CDC40: variants seen among roughly 807,000 people sequenced by gnomAD.
CDC40 encodes the protein pre-mRNA-processing factor 17.
In CDC40, 27 loss-of-function variants were observed where a neutral mutation model predicts 80.6. The ratio of observed to expected loss-of-function variants is 0.33; its 90% CI spans 0.25 to 0.46. The LOEUF (loss-of-function observed/expected upper bound fraction) is 0.46. CDC40 is among the 20% of genes least tolerant of loss of function. CDC40 has a pLI of 1.00. For missense variants in CDC40, 486 were observed against 694.1 expected, an observed-to-expected ratio of 0.70 and a Z score of 3.37; for synonymous variants, 221 against 232.6, an observed-to-expected ratio of 0.95 and a Z score of 0.45.
chr6:110,215,182 A>G (rs929191610), intron 8 of CDC40, 104 bp from the exon 9 acceptor site: 2 of 830,736 alleles, frequency 2.4e-6, no homozygotes, highest in South Asian at 2.9e-5. Flanking sequence ...GTGCGTTTAC[A>G]CACACAGATG....
intron 2 of CDC40, 42 bp downstream of exon 2, chr6:110,193,310 T>G (rs763702009): frequency 2.2e-5 from 25 of 1,157,236 alleles, no homozygotes; most frequent in Non-Finnish European, 3.3e-5. Context: ...GCTAAAGAAT[T>G]TAAATCATAG....
rs147581557 is a variant in CDC40 at position 110,225,741 on chromosome 6, T to A, written c.1341-426T>A. ...GCTTCACCCTACCATGGTACATTTT[T>A]AATTTAATTTTTGGTTTTATTTCAA... On this transcript the variant is annotated intron_variant, in intron 12 of 14. Coordinates refer to ENST00000307731, the MANE Select transcript of CDC40 (RefSeq NM_015891.3). 9.1e-3 allele frequency among the ~76,000 whole-genome samples: 1,389 copies of A among 152,308 alleles called. 21 individuals are homozygous for A. Among genetic ancestry groups the A allele is most frequent in the African/African-American group, 0.032 (1,338 of 41,556 alleles).
chr6:110,229,055 C>T lies in CDC40; in HGVS notation c.1562+79C>T, dbSNP rs767374512. 7 of 1,083,310 alleles carry T rather than the reference C, an allele frequency of 6.5e-6. No homozygotes were observed. In the Admixed American group the frequency reaches 7.8e-5, roughly 12 times the overall value. 67.1% of individuals were successfully genotyped at this position (1,083,310 alleles called of 1,614,324 possible). On this transcript the variant is annotated intron_variant, in intron 14 of 14. Transcript: ENST00000307731. ...GTTGTTGTACAAATAACACTTGACA[C>T]ATCACTCTCACATAATATGTTTTTA...
intron 12 of CDC40, among the ~76,000 whole-genome samples, chr6:110,220,228 G>A (rs1441257007): frequency 2.0e-5 from 3 of 152,030 alleles, no homozygotes; most frequent in Non-Finnish European, 2.9e-5. Flanking sequence ...CATGGCCCTA[G>A]AACCACCCAA....
At chr6:110,229,892 T>G in intron 14 of CDC40, 62 bp from the exon 15 acceptor site, 5 of 1,102,632 alleles carry the variant, frequency 4.5e-6, no homozygotes, top group Non-Finnish European at 5.4e-6. Flanking sequence ...TCCCTATTCC[T>G]CATTCGCCTT....
At position 110,210,750 on chromosome 6, in the gene CDC40, A is replaced by C; in HGVS notation, c.674A>C (p.Lys225Thr). The change falls in exon 6 of 15, where the codon AAA becomes ACA. Residue 225 changes from lysine (K) to threonine (T), a missense_variant. Transcript: ENST00000307731. Reference sequence around the variant, plus strand: ...GATGAAATCACAGCAAAGAGGCAGAAAAAAGGAAAACAGGAAGAAGAGAAA... The same window carrying C: ...GATGAAATCACAGCAAAGAGGCAGACAAAAGGAAAACAGGAAGAAGAGAAA... ...ELDEITAKRQ[K>T]KGKQEEEKPG... 6.3e-7 allele frequency: 1 copy of C among 1,583,718 alleles called. No homozygotes were observed. The highest frequency in any genetic ancestry group is 1.2e-5 in the South Asian group (1 of 85,696).
At chr6:110,189,512 C>T (rs1477892576) in intron 1 of CDC40, among the ~76,000 whole-genome samples, 1 of 152,174 alleles carries the variant, frequency 6.6e-6, no homozygotes, top group Admixed American at 6.5e-5. Context: ...TTATGATTCC[C>T]AACACCTCCA....
chr6:110,193,526 T>TC (rs1777379328), intron 2 of CDC40, among the ~76,000 whole-genome samples: 1 of 152,028 alleles, frequency 6.6e-6, no homozygotes, highest in African/African-American at 2.4e-5. Context: ...TGCCTCAGCC[T>TC]CCCGAGTAGC....
Position 110,201,604 on chromosome 6 carries a change from G to A in CDC40, c.323G>A (p.Arg108Lys). Residue 108 changes from arginine (R) to lysine (K), a missense_variant, in exon 3 of 15, where the codon AGA (arginine) becomes AAA (lysine). Arg to Lys is a conservative substitution (Grantham distance 26, BLOSUM62 2). Around this residue, in one of 3 missense-constraint regions of CDC40, gnomAD observed 381 missense variants for 492.1 expected, o/e 0.77. Coordinates refer to ENST00000307731, the MANE Select transcript of CDC40 (RefSeq NM_015891.3). The part of the protein sequence containing the change: ...PFRTQQMAAP[R>K]NMLSGYAEPA... ...AGGACACAGCAAATGGCTGCCCCTA[G>A]AAATATGCTTTCTGGATATGCCGAA... The A allele has an allele frequency of 6.2e-7, 1 of 1,612,896 alleles. No individual in the cohort carries two copies. The highest frequency in any genetic ancestry group is 8.5e-7 in the Non-Finnish European group (1 of 1,179,096).
Position 110,191,407 on chromosome 6 carries a change from G to T in CDC40, c.190-1775G>T, listed in dbSNP as rs182962570. On this transcript the variant is annotated intron_variant, in intron 1 of 14. Coordinates refer to ENST00000307731, the MANE Select transcript of CDC40 (RefSeq NM_015891.3). ...AACAAGAGGCCAGCAGATTAAAGATGGTGATATGATAGGGATAGTTCAAGG... is the reference window on the plus strand; with the variant it reads ...AACAAGAGGCCAGCAGATTAAAGATTGTGATATGATAGGGATAGTTCAAGG... Among the ~76,000 whole-genome samples the T allele has an allele frequency of 2.0e-5, 3 of 152,258 alleles. No individual in the cohort carries two copies. The East Asian group carries it at 5.8e-4, about 29-fold the overall frequency.
rs1777897165 is a variant in CDC40 at position 110,228,743 on chromosome 6, A to G, written c.1418-89A>G. On this transcript the variant is annotated intron_variant, in intron 13 of 14. Coordinates refer to ENST00000307731, the MANE Select transcript of CDC40 (RefSeq NM_015891.3). ...TATAAAGTATTTGGGAGCAAAACTTATATTAATCACAGTGAACATATTTAA... is the reference window on the plus strand; with the variant it reads ...TATAAAGTATTTGGGAGCAAAACTTGTATTAATCACAGTGAACATATTTAA... The G allele has an allele frequency of 5.0e-6, 5 of 992,966 alleles. No homozygotes were observed. The South Asian group carries it at 5.7e-5, about 11-fold the overall frequency. 61.5% of individuals were successfully genotyped at this position (992,966 alleles called of 1,614,324 possible).
chr6:110,206,080 A>G (rs948087050), intron 3 of CDC40, among the ~76,000 whole-genome samples: 2 of 152,150 alleles, frequency 1.3e-5, no homozygotes. Flanking sequence ...CTTGTTTGAA[A>G]AGCATGCTTC....
chr6:110,218,767 A>G (rs1777731090), intron 10 of CDC40, among the ~76,000 whole-genome samples: 1 of 152,170 alleles, frequency 6.6e-6, no homozygotes, highest in African/African-American at 2.4e-5. Flanking sequence ...TCTTTTAAAA[A>G]TCAAGATAAA....
intron 6 of CDC40, chr6:110,211,355 G>A (rs1777634823): frequency 1.3e-5 from 2 of 152,028 alleles, no homozygotes; most frequent in Non-Finnish European, 1.5e-5. Flanking sequence ...TTATATTTAG[G>A]AAAATACATA....
chr6:110,202,204 G>A (rs559368955), intron 3 of CDC40, among the ~76,000 whole-genome samples: 116 of 152,222 alleles, frequency 7.6e-4, no homozygotes, highest in African/African-American at 2.6e-3. Context: ...TTTAATGTGC[G>A]TGGAAACTGC....
intron 14 of CDC40, among the ~76,000 whole-genome samples, chr6:110,229,532 C>T (rs1777908305): frequency 1.3e-5 from 2 of 152,312 alleles, no homozygotes; most frequent in South Asian, 4.1e-4. Context: ...GGGCCTACCT[C>T]TGATTCAGTC....
At chr6:110,229,420 T>A (rs898101851) in intron 14 of CDC40, among the ~76,000 whole-genome samples, 7 of 152,206 alleles carry the variant, frequency 4.6e-5, no homozygotes, top group African/African-American at 1.7e-4. Context: ...TATTTCTAGG[T>A]CACACTGGAT....
intron 6 of CDC40, chr6:110,211,925 C>T (rs776133828): frequency 2.6e-5 from 13 of 496,432 alleles, no homozygotes; most frequent in East Asian, 1.7e-4. Context: ...TTAGGAATTT[C>T]GAAATACTAC....
intron 1 of CDC40, among the ~76,000 whole-genome samples, chr6:110,182,948 G>A (rs1254117825): frequency 6.6e-6 from 1 of 152,152 alleles, no homozygotes; most frequent in African/African-American, 2.4e-5. Context: ...TGTCCAATGG[G>A]TGATTTCTAA....
Sources: gnomAD v4.1 joint callset for allele counts (sites outside exome capture counted in the v4.1 genomes callset) on GRCh38, gnomAD v4.1.1 for gene constraint, gnomAD v4.1.1 regional missense constraint, MANE v1.5 for transcripts, NCBI Gene and HGNC (gene_info 2026-07-23, HGNC 2026-07-21) for gene names.